The following BZW1 variants were observed in gnomAD, a reference collection of about 807,000 sequenced individuals.
BZW1 encodes eIF5-mimic protein 2.
BZW1 carries 3 observed loss-of-function variants against 54.1 expected under a neutral mutation model. That is an observed-to-expected ratio of 0.06 (90% CI 0.03 to 0.14). The LOEUF is 0.14. BZW1 is among the 10% of genes least tolerant of loss of function. BZW1 has a pLI of 1.00. For synonymous variants in BZW1, 152 were observed against 162.7 expected (o/e 0.93, Z 0.50); for missense variants, 206 against 491.7 (o/e 0.42, Z 5.50).
chr2:200,816,533 C>T, intron 5 of BZW1, 143 bp downstream of exon 5: 3 of 513,492 alleles, frequency 5.8e-6, no homozygotes, highest in Non-Finnish European at 9.9e-6. Flanking sequence ...CTCTGTGTCC[C>T]AGGCTGGGGG....
chr2:200,817,579 GA>G (rs1490319769), intron 6 of BZW1, among the ~76,000 whole-genome samples: 1 of 152,068 alleles, frequency 6.6e-6, no homozygotes, highest in Admixed American at 6.5e-5. Context: ...AGCTGGAAGG[GA>G]AAATCAGTTC....
At chr2:200,821,523 A>G (rs2038510609) in intron 11 of BZW1, among the ~76,000 whole-genome samples, 1 of 151,994 alleles carries the variant, frequency 6.6e-6, no homozygotes, top group African/African-American at 2.4e-5. Flanking sequence ...AAATTTTGAG[A>G]ATATTTAATG....
intron 6 of BZW1, 82 bp from the exon 7 acceptor site, chr2:200,817,892 C>A: frequency 2.1e-6 from 2 of 946,226 alleles, no homozygotes; most frequent in Non-Finnish European, 3.1e-6. Flanking sequence ...TGTGATTGAA[C>A]TATGAAGGGA....
intron 10 of BZW1, among the ~76,000 whole-genome samples, chr2:200,820,381 A>G (rs2038464981): frequency 6.6e-6 from 1 of 152,162 alleles, no homozygotes; most frequent in African/African-American, 2.4e-5. Context: ...TTAACCAGGT[A>G]TACATTCCCA....
At position 200,820,042 on chromosome 2, in the gene BZW1, C is replaced by T; in HGVS notation, c.1027C>T (p.Leu343=). The change falls in exon 10 of 12, where the codon CTG becomes TTG. Residue 343 remains leucine (L), a synonymous_variant. Transcript: ENST00000409600. ...TQGQSELTLL[L]KIQEYCYDNI... ...AGGTCAGTCTGAGCTGACTCTGTTA[C>T]TGAAGATTCAGGAGTATTGCTATGA... The T allele has an allele frequency of 1.3e-6, 2 of 1,550,762 alleles. No individual in the cohort carries two copies. The highest frequency in any genetic ancestry group is 1.7e-6 in the Non-Finnish European group (2 of 1,146,454).
chr2:200,822,870 AGGT>A lies in BZW1; in HGVS notation c.*698_*700del, dbSNP rs1343396258. On this transcript the variant is annotated 3_prime_UTR_variant, in exon 12 of 12. Coordinates refer to ENST00000409600, the MANE Select transcript of BZW1 (RefSeq NM_001207067.2). ...AGTTTAGGAAATCATAATGTGGCAG[AGGT>A]GGTGGGAAGAAGAAAGTTGAGCTTT... 2 of 165,372 alleles carry A rather than the reference AGGT, an allele frequency of 1.2e-5. No homozygotes were observed. The highest frequency in any genetic ancestry group is 1.5e-5 in the Non-Finnish European group (1 of 67,828). The allele number at this position is 165,372 out of a possible 1,614,324, so 10.2% of individuals were successfully genotyped here.
rs986239564 is a variant in BZW1, at chr2:200,824,991, TC to T, written c.*2818del. 6.6e-6 allele frequency: 1 copy of T among 151,468 alleles called. No individual in the cohort carries two copies. Among genetic ancestry groups the T allele is most frequent in the Non-Finnish European group, 1.5e-5 (1 of 67,916 alleles). 9.4% of individuals were successfully genotyped at this position (151,468 alleles called of 1,614,324 possible). A position where few individuals can be genotyped will look rare whatever the true frequency, so the allele number is the denominator to read the frequency against. ...CCAGCTAGACTTTTTTCTAATAGAG[TC>T]CCCCATAAATTTTATTACCATAGAT... On this transcript the variant is annotated 3_prime_UTR_variant, in exon 12 of 12. Coordinates refer to ENST00000409600, the MANE Select transcript of BZW1 (RefSeq NM_001207067.2).
intron 4 of BZW1, 133 bp downstream of exon 4, chr2:200,815,894 T>C: frequency 1.2e-6 from 1 of 860,816 alleles, no homozygotes; most frequent in Non-Finnish European, 1.7e-6. Flanking sequence ...ATACTGTTCT[T>C]GGTGCAACGG....
Position 200,826,327 on chromosome 2 carries a change from G to T in BZW1, c.*4149G>T, listed in dbSNP as rs1425299027. On this transcript the variant is annotated 3_prime_UTR_variant, in exon 12 of 12. Transcript: ENST00000409600. The stretch of plus-strand genomic sequence containing the variant: ...GTACTTATCATCCTTTCATCTTTAT[G>T]CTAGGAGTATAGTCTCAGTTCTTAA... 22 of 141,080 alleles carry T rather than the reference G, an allele frequency of 1.6e-4. 1 individual carries two copies. In the Admixed American group the frequency reaches 1.6e-3, roughly 10 times the overall value. The allele number at this position is 141,080 out of a possible 1,614,324, so 8.7% of individuals were successfully genotyped here.
At chr2:200,816,262 G>A (rs1466023809) in intron 4 of BZW1, 63 bp from the exon 5 acceptor site, 3 of 1,247,312 alleles carry the variant, frequency 2.4e-6, no homozygotes, top group Non-Finnish European at 3.4e-6. Flanking sequence ...CGAGTGAAAG[G>A]TTTACTACTT....
chr2:200,816,420 G>T (rs747516629), intron 5 of BZW1, 30 bp downstream of exon 5: 1 of 1,412,868 alleles, frequency 7.1e-7, no homozygotes, highest in South Asian at 1.3e-5. Context: ...TTGTGGAAAA[G>T]AAAAAAATAG....
At chr2:200,818,202 C>G (rs780463494) in intron 7 of BZW1, 21 bp from the exon 8 acceptor site, 54 of 1,540,966 alleles carry the variant, frequency 3.5e-5, no homozygotes, top group Non-Finnish European at 4.5e-5. Context: ...GAAAGTTTAA[C>G]CAGATAAATT....
chr2:200,818,704 A>G (rs553828695), intron 8 of BZW1, 51 bp from the exon 9 acceptor site: 15 of 1,547,190 alleles, frequency 9.7e-6, no homozygotes, highest in African/African-American at 2.8e-5. Flanking sequence ...TGTGTGAAGT[A>G]TGTACATAAT....
rs755544388 is a variant in BZW1, at chr2:200,821,040, GTAT to G, written c.1106-136_1106-134del. On this transcript the variant is annotated intron_variant, in intron 10 of 11. Transcript: ENST00000409600. ...TTGAGTGTAGTTGGTATGCGCACAT[GTAT>G]TATTATCTTCCATTTCTCATGGATG... 6.0e-5 allele frequency: 59 copies of G among 986,552 alleles called. No homozygotes were observed. The South Asian group carries it at 8.5e-4, about 14-fold the overall frequency. The allele number at this position is 986,552 out of a possible 1,614,324, so 61.1% of individuals were successfully genotyped here. A position where few individuals can be genotyped will look rare whatever the true frequency, so the allele number is the denominator to read the frequency against.
chr2:200,826,416 T>A lies in BZW1; in HGVS notation c.*4238T>A. The A allele has an allele frequency of 1.3e-4, 7 of 52,450 alleles. No individual in the cohort carries two copies. The highest frequency in any genetic ancestry group is 2.3e-3 in the South Asian group (2 of 882). The allele number at this position is 52,450 out of a possible 1,614,324, so 3.2% of individuals were successfully genotyped here. Reference sequence around the variant, plus strand: ...AGATAGATAGATAGATATTTTTTTTTTTTTTTTTTTTTTTTTTTTTTTTTT... The same window carrying A: ...AGATAGATAGATAGATATTTTTTTTATTTTTTTTTTTTTTTTTTTTTTTTT... On this transcript the variant is annotated 3_prime_UTR_variant, in exon 12 of 12. Transcript: ENST00000409600.
chr2:200,814,393 C>G (rs188493269), intron 2 of BZW1, among the ~76,000 whole-genome samples: 6 of 152,096 alleles, frequency 3.9e-5, no homozygotes, highest in Admixed American at 6.6e-5. Context: ...TTTCCAGACA[C>G]AAGACTTTCA....
intron 2 of BZW1, 119 bp from the exon 3 acceptor site, chr2:200,815,222 T>TGA: frequency 1.9e-6 from 2 of 1,068,706 alleles, no homozygotes; most frequent in Non-Finnish European, 2.6e-6. Flanking sequence ...AGGGGAAACA[T>TGA]GCAAAGGATG....
rs1223289001 is a variant in BZW1 at position 200,825,198 on chromosome 2, G to A, written c.*3020G>A. ...TCTTGCTTCAGCCTCCTGAGTAGCT[G>A]GGATTACAGGCGGCCACCACCACCC... is the stretch of plus-strand genomic sequence containing the variant. On this transcript the variant is annotated 3_prime_UTR_variant, in exon 12 of 12. Transcript: ENST00000409600. 1 of 152,230 alleles carries A rather than the reference G, an allele frequency of 6.6e-6. No individual in the cohort carries two copies. Among genetic ancestry groups the A allele is most frequent in the Non-Finnish European group, 1.5e-5 (1 of 68,124 alleles). 9.4% of individuals were successfully genotyped at this position (152,230 alleles called of 1,614,324 possible).
At chr2:200,816,234 C>A in intron 4 of BZW1, 91 bp from the exon 5 acceptor site, 2 of 844,164 alleles carry the variant, frequency 2.4e-6, no homozygotes, top group Non-Finnish European at 3.6e-6. Context: ...CTGGTTTAAG[C>A]AGCTCATAAA....
Sources: allele counts gnomAD v4.1 joint callset (sites outside exome capture counted in the v4.1 genomes callset), GRCh38; gene constraint gnomAD v4.1.1; transcripts MANE v1.5; gene names NCBI Gene and HGNC (gene_info 2026-07-23, HGNC 2026-07-21).